RNFT2: variants seen among roughly 807,000 people sequenced by gnomAD.
The protein encoded by RNFT2 is E3 ubiquitin-protein ligase RNFT2.
Under a neutral mutation model 53.0 loss-of-function variants are expected in RNFT2, and 36 were observed. The ratio of observed to expected loss-of-function variants is 0.68; its 90% CI spans 0.52 to 0.90. The LOEUF (loss-of-function observed/expected upper bound fraction) is 0.90, where lower values mean the gene tolerates loss of function less well. Among genes scored for constraint, RNFT2 ranks in the 40% least tolerant of loss-of-function variants. The pLI, the probability that RNFT2 is intolerant of heterozygous loss-of-function variation, is 0.00. For missense variants in RNFT2, 514 were observed against 585.6 expected, an observed-to-expected ratio of 0.88 and a Z score of 1.26; for synonymous variants, 260 against 253.2, an observed-to-expected ratio of 1.03 and a Z score of -0.26.
At chr12:116,746,892 T>C (rs1871922386) in intron 3 of RNFT2, among the ~76,000 whole-genome samples, 1 of 152,120 alleles carries the variant, frequency 6.6e-6, no homozygotes, top group African/African-American at 2.4e-5. Context: ...CATGGGGGAA[T>C]TGGTTCCAAG....
At chr12:116,841,788 TATATAA>T (rs1331506749) in intron 10 of RNFT2, among the ~76,000 whole-genome samples, 2,286 of 97,028 alleles carry the variant, frequency 0.024, 172 homozygotes, top group East Asian at 0.12. Flanking sequence ...TAAATATATA[TATATAA>T]ATATATATAT....
At chr12:116,767,148 AG>A (rs1232476773) in intron 6 of RNFT2, among the ~76,000 whole-genome samples, 1 of 152,230 alleles carries the variant, frequency 6.6e-6, no homozygotes, top group Non-Finnish European at 1.5e-5. Context: ...AAACAGAAAC[AG>A]GTGGAATCAA....
rs138437463 is a variant in RNFT2, at chr12:116,815,915, T to C, written c.883-17877T>C. 3.3e-4 allele frequency among the ~76,000 whole-genome samples: 51 copies of C among 152,266 alleles called. No homozygotes were observed. In the East Asian group the frequency reaches 6.4e-3, roughly 19 times the overall value. On this transcript the variant is annotated intron_variant, in intron 7 of 10. Coordinates refer to ENST00000257575, the MANE Select transcript of RNFT2 (RefSeq NM_001382266.1). ...GTTTGTCAAGTTTGAAGTCATGGGC[T>C]CCAGACCACCAGGAAAGGAGATGCC...
chr12:116,792,342 G>T (rs11068190), intron 7 of RNFT2, among the ~76,000 whole-genome samples: 10 of 152,184 alleles, frequency 6.6e-5, no homozygotes, highest in African/African-American at 2.4e-4. Flanking sequence ...GAGCCACTGC[G>T]CCCAGCCTAG....
At chr12:116,742,565 C>G (rs74668907) in intron 3 of RNFT2, among the ~76,000 whole-genome samples, 2 of 152,154 alleles carry the variant, frequency 1.3e-5, no homozygotes, top group South Asian at 4.1e-4. Context: ...CAAGCCACCA[C>G]GCCTGGCCTC....
intron 7 of RNFT2, among the ~76,000 whole-genome samples, chr12:116,783,096 C>T (rs567804247): frequency 2.5e-4 from 38 of 152,288 alleles, no homozygotes; most frequent in African/African-American, 7.7e-4. Context: ...GCCCATCTTT[C>T]CTCCTCCTAC....
intron 7 of RNFT2, among the ~76,000 whole-genome samples, chr12:116,786,217 G>T (rs997193624): frequency 6.6e-6 from 1 of 151,714 alleles, no homozygotes; most frequent in East Asian, 1.9e-4. Context: ...CACCTCCCAG[G>T]TTCAAGGTAT....
Position 116,766,932 on chromosome 12 carries a change from A to T in RNFT2, c.728+18A>T. 1.3e-6 allele frequency: 2 copies of T among 1,550,300 alleles called. No homozygotes were observed. The highest frequency in any genetic ancestry group is 1.8e-6 in the Non-Finnish European group (2 of 1,141,464). ...TACAACAGGTGAGCATGGGAATCCAACCCCCACGGTGGGAGAGTGGGGCAC... is the reference window on the plus strand; with the variant it reads ...TACAACAGGTGAGCATGGGAATCCATCCCCCACGGTGGGAGAGTGGGGCAC... On this transcript the variant is annotated intron_variant, in intron 6 of 10. Coordinates refer to ENST00000257575, the MANE Select transcript of RNFT2 (RefSeq NM_001382266.1).
chr12:116,743,247 G>GAAAAAAAAAAAAAAAAAAA lies in RNFT2; in HGVS notation c.83+2153_83+2154insAAAAAAAAAAAAAAAAAAA. Among the ~76,000 whole-genome samples the GAAAAAAAAAAAAAAAAAAA allele has an allele frequency of 2.6e-4, 16 of 61,576 alleles. 2 individuals carry two copies. Among genetic ancestry groups the GAAAAAAAAAAAAAAAAAAA allele is most frequent in the Non-Finnish European group, 4.4e-4 (14 of 31,598 alleles). 40.4% of individuals were successfully genotyped at this position (61,576 alleles called of 152,430 possible). ...AAAAAAAAAAAAAAAAAAAAAAACC[G>GAAAAAAAAAAAAAAAAAAA]GTTAAAAAACACTCATGAGCTAGAA... is the stretch of plus-strand genomic sequence containing the variant. On this transcript the variant is annotated intron_variant, in intron 3 of 10. Coordinates refer to ENST00000257575, the MANE Select transcript of RNFT2 (RefSeq NM_001382266.1).
At position 116,851,852 on chromosome 12, in the gene RNFT2, T is replaced by C. The variant is rs563621734; in HGVS notation, c.*2404T>C. ...TGGTTACCCCTTGGTCTCCTGTCTT[T>C]ATGTCTTTCTCCTCTTCCTATTCTG... On this transcript the variant is annotated 3_prime_UTR_variant, in exon 11 of 11. Coordinates refer to ENST00000257575, the MANE Select transcript of RNFT2 (RefSeq NM_001382266.1). 6.7e-7 allele frequency: 1 copy of C among 1,502,746 alleles called. No homozygotes were observed. The highest frequency in any genetic ancestry group is 1.2e-5 in the South Asian group (1 of 83,364). The allele number at this position is 1,502,746 out of a possible 1,614,324, so 93.1% of individuals were successfully genotyped here.
intron 3 of RNFT2, among the ~76,000 whole-genome samples, chr12:116,744,399 A>G (rs1871799934): frequency 6.6e-6 from 1 of 152,150 alleles, no homozygotes; most frequent in East Asian, 1.9e-4. Flanking sequence ...AGAGCACAGC[A>G]GGAAACTCAA....
intron 7 of RNFT2, among the ~76,000 whole-genome samples, chr12:116,795,020 C>A (rs140944670): frequency 6.6e-6 from 1 of 152,144 alleles, no homozygotes; most frequent in East Asian, 1.9e-4. Flanking sequence ...AATCCTCTGT[C>A]CCAGAAACAT....
chr12:116,812,734 A>G (rs1025680787), intron 7 of RNFT2, among the ~76,000 whole-genome samples: 1 of 151,966 alleles, frequency 6.6e-6, no homozygotes, highest in African/African-American at 2.4e-5. Context: ...GGGTTTTACC[A>G]TGTTGGCCAG....
At chr12:116,750,848 TA>T (rs1397297556) in intron 4 of RNFT2, among the ~76,000 whole-genome samples, 369 of 2,812 alleles carry the variant, frequency 0.13, 25 homozygotes, top group African/African-American at 0.34. Context: ...ATTATATATA[TA>T]TAATATATAT....
At chr12:116,831,663 T>TA (rs1016548648) in intron 7 of RNFT2, among the ~76,000 whole-genome samples, 1 of 152,152 alleles carries the variant, frequency 6.6e-6, no homozygotes, top group Non-Finnish European at 1.5e-5. Context: ...AGATTATACA[T>TA]ATTTTTACAG....
At chr12:116,744,582 C>A (rs905234951) in intron 3 of RNFT2, among the ~76,000 whole-genome samples, 1 of 152,210 alleles carries the variant, frequency 6.6e-6, no homozygotes, top group African/African-American at 2.4e-5. Flanking sequence ...CCCCCAGCAC[C>A]TGTGCTTTGA....
intron 7 of RNFT2, among the ~76,000 whole-genome samples, chr12:116,785,606 C>G (rs951183394): frequency 6.6e-6 from 1 of 152,154 alleles, no homozygotes; most frequent in Non-Finnish European, 1.5e-5. Flanking sequence ...TTTGAAAAGT[C>G]TGTTTGGCCC....
At chr12:116,786,178 A>G (rs1592957442) in intron 7 of RNFT2, among the ~76,000 whole-genome samples, 1 of 150,534 alleles carries the variant, frequency 6.6e-6, no homozygotes, top group African/African-American at 2.4e-5. Flanking sequence ...CTGGAGTGCA[A>G]TGGCGTGACT....
intron 10 of RNFT2, among the ~76,000 whole-genome samples, chr12:116,837,044 T>G (rs1162863213): frequency 1.3e-5 from 2 of 152,248 alleles, no homozygotes; most frequent in Non-Finnish European, 2.9e-5. Flanking sequence ...TAGAAGTTGC[T>G]AGAATTATCA....
Sources: gnomAD v4.1 joint callset for allele counts (sites outside exome capture counted in the v4.1 genomes callset) on GRCh38, gnomAD v4.1.1 for gene constraint, MANE v1.5 for transcripts, NCBI Gene and HGNC (gene_info 2026-07-23, HGNC 2026-07-21) for gene names.